Variants in ADIPOR1 observed in about 807,000 individuals in gnomAD.
The protein encoded by ADIPOR1 is adiponectin receptor protein 1.
In ADIPOR1, 15 loss-of-function variants were observed where a neutral mutation model predicts 37.5. The observed-to-expected ratio is 0.40, with a 90% CI of 0.27 to 0.62. The LOEUF (loss-of-function observed/expected upper bound fraction) is 0.62. ADIPOR1 is among the 20% of genes least tolerant of loss of function. The probability of loss-of-function intolerance (pLI) is 0.42; values close to 1 mark genes in which losing one functional copy is unlikely to be tolerated. For synonymous variants in ADIPOR1, 173 were observed against 173.2 expected, an observed-to-expected ratio of 1.00 and a Z score of 0.01; for missense variants, 286 against 478.0, an observed-to-expected ratio of 0.60 and a Z score of 3.75.
At chr1:202,957,158 A>G (rs1380052931) in intron 1 of ADIPOR1, among the ~76,000 whole-genome samples, 1 of 152,216 alleles carries the variant, frequency 6.6e-6, no homozygotes, top group Non-Finnish European at 1.5e-5. Flanking sequence ...ATAGTATACA[A>G]CCTCAGGAAC....
chr1:202,956,253 T>C (rs1015914745), intron 1 of ADIPOR1, among the ~76,000 whole-genome samples: 2 of 152,248 alleles, frequency 1.3e-5, no homozygotes, highest in African/African-American at 4.8e-5. Flanking sequence ...CGACTGCTTA[T>C]CTTACCTGTG....
chr1:202,944,201 C>T (rs953956682), intron 5 of ADIPOR1: 4 of 357,232 alleles, frequency 1.1e-5, no homozygotes, highest in African/African-American at 2.0e-5. Flanking sequence ...AGTGAACAGC[C>T]GTATCTCCCA....
intron 1 of ADIPOR1, among the ~76,000 whole-genome samples, chr1:202,956,894 T>C (rs1436617386): frequency 6.6e-6 from 1 of 152,214 alleles, no homozygotes; most frequent in African/African-American, 2.4e-5. Flanking sequence ...CTCTCCTACC[T>C]GCAGGCAAAG....
chr1:202,942,632 C>G (rs1654142064), intron 6 of ADIPOR1, among the ~76,000 whole-genome samples: 1 of 152,088 alleles, frequency 6.6e-6, no homozygotes, highest in African/African-American at 2.4e-5. Flanking sequence ...GAACTCTGAC[C>G]TCCTGAGTAG....
At chr1:202,944,905 C>A in intron 5 of ADIPOR1, 78 bp downstream of exon 5, 2 of 1,363,586 alleles carry the variant, frequency 1.5e-6, no homozygotes, top group Non-Finnish European at 2.0e-6. Context: ...ATATGAGCTC[C>A]TATCACCCAG....
rs372385485 is a variant in ADIPOR1 at position 202,946,392 on chromosome 1, A to G, written c.430+47T>C. 1.6e-5 allele frequency: 25 copies of G among 1,607,688 alleles called. 1 individual carries two copies. The African/African-American group carries it at 2.5e-4, about 16-fold the overall frequency. ...TTGTTGGGCTCTATAATCCCTTCGC[A>G]GTTAGGGAGACAACAAATTCCACCT... On this transcript the variant is annotated intron_variant, in intron 4 of 7. Coordinates refer to ENST00000340990, the MANE Select transcript of ADIPOR1 (RefSeq NM_015999.6).
At position 202,941,699 on chromosome 1, in the gene ADIPOR1, G is replaced by C; in HGVS notation, c.1002C>G (p.Phe334Leu). 1 of 1,609,534 alleles carries C rather than the reference G, an allele frequency of 6.2e-7. No individual in the cohort carries two copies. Among genetic ancestry groups the C allele is most frequent in the African/African-American group, 1.3e-5 (1 of 74,476 alleles). The change falls in exon 8 of 8, where the codon TTC becomes TTG. Residue 334 changes from phenylalanine (F) to leucine (L), a missense_variant and splice_region_variant. Physicochemically the swap from Phe to Leu is conservative, Grantham distance 22 (BLOSUM62 0). Transcript: ENST00000340990. ...GGACATGGAAAATCTGATGAGACTG[G>C]AACTGTAGGAATAAAAAGAAAAGAG... The part of the protein sequence containing the change: ...RFFPGKFDIW[F>L]QSHQIFHVLV...
In ADIPOR1 at chr1:202,946,728, T is replaced by C. The variant is rs1558011943; in HGVS notation, c.259-118A>G. 3.3e-5 allele frequency: 34 copies of C among 1,028,900 alleles called. No homozygotes were observed. The South Asian group carries it at 4.7e-4, about 14-fold the overall frequency. 63.7% of individuals were successfully genotyped at this position (1,028,900 alleles called of 1,614,324 possible). On this transcript the variant is annotated intron_variant, in intron 3 of 7. Coordinates refer to ENST00000340990, the MANE Select transcript of ADIPOR1 (RefSeq NM_015999.6). ...TCAGGCTCTGAATGGTCCTAGGTAATAGTGGAGAACCAGCCTGGACTGGGG... is the reference window on the plus strand; with the variant it reads ...TCAGGCTCTGAATGGTCCTAGGTAACAGTGGAGAACCAGCCTGGACTGGGG...
intron 7 of ADIPOR1, 111 bp downstream of exon 7, chr1:202,941,914 T>G: frequency 8.0e-7 from 1 of 1,250,648 alleles, no homozygotes; most frequent in South Asian, 1.5e-5. Flanking sequence ...TGCACATATA[T>G]GTACCTCCAA....
At chr1:202,946,758 T>C in intron 3 of ADIPOR1, 148 bp from the exon 4 acceptor site, 1 of 692,616 alleles carries the variant, frequency 1.4e-6, no homozygotes, top group East Asian at 2.7e-5. Context: ...CTGGGGGATA[T>C]CCAAGACATA....
intron 4 of ADIPOR1, among the ~76,000 whole-genome samples, chr1:202,945,917 T>C (rs776982806): frequency 1.3e-4 from 19 of 151,912 alleles, no homozygotes; most frequent in Admixed American, 1.2e-3. Context: ...GAGTACAATG[T>C]ACACTACTAA....
rs1654565258 is a variant in ADIPOR1, at chr1:202,951,128, G to A, written c.-58C>T. On this transcript the variant is annotated 5_prime_UTR_variant, in exon 2 of 8. Transcript: ENST00000340990. ...CTTGGGGAAAGGTTGGGGTCTCTCA[G>A]CCCCAGGGGGCAGAGATCTCCCTCT... 2 of 1,604,192 alleles carry A rather than the reference G, an allele frequency of 1.2e-6. No individual in the cohort carries two copies. Among genetic ancestry groups the A allele is most frequent in the East Asian group, 2.2e-5 (1 of 44,744 alleles).
intron 1 of ADIPOR1, among the ~76,000 whole-genome samples, chr1:202,955,963 A>G (rs926834675): frequency 2.0e-5 from 3 of 152,184 alleles, no homozygotes; most frequent in Non-Finnish European, 4.4e-5. Context: ...TTTAGTAGAG[A>G]CAGGGTTTTG....
At chr1:202,953,379 C>T (rs1373422548) in intron 1 of ADIPOR1, among the ~76,000 whole-genome samples, 1 of 152,064 alleles carries the variant, frequency 6.6e-6, no homozygotes, top group Non-Finnish European at 1.5e-5. Flanking sequence ...TTAGATCAGG[C>T]TACCAGGGCA....
chr1:202,942,176 A>G lies in ADIPOR1; in HGVS notation c.848T>C (p.Met283Thr), dbSNP rs779694619. ...AAAGCCCTCAGCGATAGTAAAGTGC[A>G]TGGTGGGCACGACGCCACTCAAGCC... ...GLGLSGVVPTMHFTIAEGFVK... is the reference protein window; with the variant it reads ...GLGLSGVVPTTHFTIAEGFVK... The change falls in exon 7 of 8, where the codon ATG (methionine) becomes ACG (threonine). Residue 283 changes from methionine (M) to threonine (T), a missense_variant. Transcript: ENST00000340990. The G allele has an allele frequency of 1.2e-6, 2 of 1,614,198 alleles. No homozygotes were observed.
At chr1:202,958,313 C>CCCGCGTCACCTCCGCAG (rs1425446612), upstream of ADIPOR1, 13 of 152,408 alleles carry the variant, frequency 8.5e-5, no homozygotes, top group South Asian at 4.1e-4. Flanking sequence ...CGCGCGACCT[C>CCCGCGTCACCTCCGCAG]CCGCGTCACC....
chr1:202,945,593 A>C (rs1654276057), intron 4 of ADIPOR1, among the ~76,000 whole-genome samples: 1 of 152,230 alleles, frequency 6.6e-6, no homozygotes, highest in Non-Finnish European at 1.5e-5. Flanking sequence ...CACAACTCTA[A>C]AGATATGGAA....
chr1:202,949,698 C>A (rs971737722), intron 2 of ADIPOR1, among the ~76,000 whole-genome samples: 1 of 152,028 alleles, frequency 6.6e-6, no homozygotes, highest in Non-Finnish European at 1.5e-5. Flanking sequence ...AGTTCAACTC[C>A]TTTTCTGGGC....
Position 202,943,802 on chromosome 1 carries a change from T to C in ADIPOR1, c.761A>G (p.Gln254Arg). The change falls in exon 6 of 8, where the codon CAG becomes CGG. Residue 254 changes from glutamine (Q) to arginine (R), a missense_variant. Gln to Arg is a conservative substitution (Grantham distance 43). Transcript: ENST00000340990. The part of the protein sequence containing the change: ...VLGISAIIVA[Q>R]WDRFATPKHR... ...CTTAGGAGTGGCAAACCGGTCCCAC[T>C]GCGCCACAATGATGGCAGAAATGCC... is the stretch of plus-strand genomic sequence containing the variant. 6.2e-7 allele frequency: 1 copy of C among 1,613,974 alleles called. No homozygotes were observed. The highest frequency in any genetic ancestry group is 8.5e-7 in the Non-Finnish European group (1 of 1,180,006).
Sources: allele counts gnomAD v4.1 joint callset (sites outside exome capture counted in the v4.1 genomes callset), GRCh38; gene constraint gnomAD v4.1.1; transcripts MANE v1.5; gene names NCBI Gene and HGNC (gene_info 2026-07-23, HGNC 2026-07-21).